JTB: variants seen among roughly 807,000 people sequenced by gnomAD.
JTB encodes the protein jumping translocation breakpoint.
In JTB, 10 loss-of-function variants were observed where a neutral mutation model predicts 22.1. The ratio of observed to expected loss-of-function variants is 0.45; its 90% CI spans 0.28 to 0.77. JTB has a LOEUF of 0.77. Ranked by LOEUF, JTB falls within the 30% of genes least tolerant of loss-of-function variation. JTB has a pLI of 0.13. For synonymous variants in JTB, 83 were observed against 66.8 expected (o/e 1.24, Z -1.18); for missense variants, 137 against 180.3 (o/e 0.76, Z 1.38).
At chr1:153,976,800 C>G in intron 2 of JTB, 25 bp from the exon 3 acceptor site, 1 of 1,611,964 alleles carries the variant, frequency 6.2e-7, no homozygotes, top group Non-Finnish European at 8.5e-7. Context: ...AAATGCCAGC[C>G]CCAGGCCATT....
At chr1:153,976,046 G>A (rs1648784695) in intron 3 of JTB, 141 bp from the exon 4 acceptor site, 1 of 645,494 alleles carries the variant, frequency 1.5e-6, no homozygotes, top group Non-Finnish European at 2.8e-6. Context: ...GAGTTCTGAT[G>A]CGGATGGTGG....
At chr1:153,976,651 T>G in intron 3 of JTB, 42 bp downstream of exon 3, 1 of 1,497,836 alleles carries the variant, frequency 6.7e-7, no homozygotes, top group African/African-American at 1.4e-5. Flanking sequence ...AGTGTTTGCT[T>G]AGATGTTTAA....
Position 153,974,663 on chromosome 1 carries a change from CA to C in JTB, c.*15del. ...GATAGGGTCTCTAAGACCCAGGATA[CA>C]AGGGTGGAATGTAGCTATATGGACT... On this transcript the variant is annotated 3_prime_UTR_variant, in exon 5 of 5. Transcript: ENST00000271843. 1 of 1,600,754 alleles carries C rather than the reference CA, an allele frequency of 6.2e-7. No individual in the cohort carries two copies. Among genetic ancestry groups the C allele is most frequent in the Non-Finnish European group, 8.6e-7 (1 of 1,168,724 alleles).
At chr1:153,976,670 A>AG in intron 3 of JTB, 23 bp downstream of exon 3, 1 of 1,556,148 alleles carries the variant, frequency 6.4e-7, no homozygotes, top group Non-Finnish European at 8.8e-7. Context: ...AAAAAAAAAA[A>AG]GGGTAGAGAA....
At position 153,976,748 on chromosome 1, in the gene JTB, A is replaced by G; in HGVS notation, c.149T>C (p.Leu50Pro). 6.2e-7 allele frequency: 1 copy of G among 1,614,214 alleles called. No homozygotes were observed. The highest frequency in any genetic ancestry group is 8.5e-7 in the Non-Finnish European group (1 of 1,180,044). Residue 50 changes from leucine (L) to proline (P), a missense_variant, in exon 3 of 5, where the codon CTG (leucine) becomes CCG (proline). Coordinates refer to ENST00000271843, the MANE Select transcript of JTB (RefSeq NM_006694.4). ...SASTSNLPCW[L>P]VEEFVVAEEC... Reference sequence around the variant, plus strand: ...TTCTGCTACCACAAACTCTTCCACCAGCCAGCATGGCAAATTTGAGGTGCT... The same window carrying G: ...TTCTGCTACCACAAACTCTTCCACCGGCCAGCATGGCAAATTTGAGGTGCT...
rs961300432 is a variant in JTB at position 153,977,499 on chromosome 1, T to C, written c.-247A>G. On this transcript the variant is annotated 5_prime_UTR_variant, in exon 1 of 5. Transcript: ENST00000271843. ...GCCTTCTGCGGGGTCCGCAGGGCGC[T>C]GGAGGAAGGGCCGGCGGGGGCTCGC... is the stretch of plus-strand genomic sequence containing the variant. 4 of 1,213,800 alleles carry C rather than the reference T, an allele frequency of 3.3e-6. No homozygotes were observed. The highest frequency in any genetic ancestry group is 4.1e-6 in the Non-Finnish European group (4 of 970,582). The allele number at this position is 1,213,800 out of a possible 1,614,324, so 75.2% of individuals were successfully genotyped here. A position where few individuals can be genotyped will look rare whatever the true frequency, so the allele number is the denominator to read the frequency against.
chr1:153,974,703 G>A lies in JTB; in HGVS notation c.417C>T (p.Val139=), dbSNP rs1648718354. The A allele has an allele frequency of 6.2e-7, 1 of 1,613,348 alleles. No homozygotes were observed. The highest frequency in any genetic ancestry group is 8.5e-7 in the Non-Finnish European group (1 of 1,179,338). ...GCTATATGGACTCGATTTGCTTCCG[G>A]ACCTTTTCCAGAGCCTTTCTGTCCA... ...RQLDRKALEK[V]RKQIESI The change falls in exon 5 of 5, where the codon GTC becomes GTT. Residue 139 remains valine (V), a synonymous_variant. Coordinates refer to ENST00000271843, the MANE Select transcript of JTB (RefSeq NM_006694.4).
At chr1:153,977,082 C>T (rs1165882029) in intron 1 of JTB, 69 bp from the exon 2 acceptor site, 1 of 1,613,970 alleles carries the variant, frequency 6.2e-7, no homozygotes, top group African/African-American at 1.3e-5. Flanking sequence ...CCTGCGCTGT[C>T]CATGGATAAG....
chr1:153,976,603 G>A, intron 3 of JTB, 90 bp downstream of exon 3: 1 of 1,049,494 alleles, frequency 9.5e-7, no homozygotes, highest in Non-Finnish European at 1.5e-6. Flanking sequence ...ATGATGCAAA[G>A]GCAGCTTAAT....
Position 153,977,384 on chromosome 1 carries a change from A to G in JTB, c.-132T>C. ...TCCAGGTCAGGGCAGGGAAGGCCGG[A>G]GTTGCCTATTGGAGCAGAGGATCTA... is the stretch of plus-strand genomic sequence containing the variant. On this transcript the variant is annotated 5_prime_UTR_variant, in exon 1 of 5. Coordinates refer to ENST00000271843, the MANE Select transcript of JTB (RefSeq NM_006694.4). 1.4e-6 allele frequency: 2 copies of G among 1,455,372 alleles called. No individual in the cohort carries two copies. Among genetic ancestry groups the G allele is most frequent in the South Asian group, 1.4e-5 (1 of 69,540 alleles). 90.2% of individuals were successfully genotyped at this position (1,455,372 alleles called of 1,614,324 possible). A position where few individuals can be genotyped will look rare whatever the true frequency, so the allele number is the denominator to read the frequency against.
Position 153,974,479 on chromosome 1 carries a change from G to A in JTB, c.*200C>T, listed in dbSNP as rs1411044791. On this transcript the variant is annotated 3_prime_UTR_variant, in exon 5 of 5. Coordinates refer to ENST00000271843, the MANE Select transcript of JTB (RefSeq NM_006694.4). The stretch of plus-strand genomic sequence containing the variant: ...ACCTCCTTTCCCTCTCTGCCCCCAT[G>A]ACTTCCTGCTCCAAGTTACAGAAGG... The A allele has an allele frequency of 2.1e-6, 1 of 468,500 alleles. No homozygotes were observed. The highest frequency in any genetic ancestry group is 3.8e-6 in the Non-Finnish European group (1 of 266,368). 29.0% of individuals were successfully genotyped at this position (468,500 alleles called of 1,614,324 possible).
Position 153,974,605 on chromosome 1 carries a change from T to G in JTB, c.*74A>C. On this transcript the variant is annotated 3_prime_UTR_variant, in exon 5 of 5. Coordinates refer to ENST00000271843, the MANE Select transcript of JTB (RefSeq NM_006694.4). ...CCACAAGGCTCCAAAGAACCAAGAG[T>G]GCAAATCAGTCCATTTCACTTTCAC... 1 of 1,327,426 alleles carries G rather than the reference T, an allele frequency of 7.5e-7. No homozygotes were observed. The highest frequency in any genetic ancestry group is 1.1e-6 in the Non-Finnish European group (1 of 945,984). The allele number at this position is 1,327,426 out of a possible 1,614,324, so 82.2% of individuals were successfully genotyped here.
chr1:153,975,866 T>G lies in JTB; in HGVS notation c.244A>C (p.Lys82Gln). 6.2e-7 allele frequency: 1 copy of G among 1,614,158 alleles called. No individual in the cohort carries two copies. Among genetic ancestry groups the G allele is most frequent in the Non-Finnish European group, 8.5e-7 (1 of 1,179,974 alleles). Residue 82 changes from lysine (K) to glutamine (Q), a missense_variant, in exon 4 of 5, where the codon AAA (lysine) becomes CAA (glutamine). By Grantham distance (53) the Lys-to-Gln change is moderately conservative. Coordinates refer to ENST00000271843, the MANE Select transcript of JTB (RefSeq NM_006694.4). ...PECGPTGYVE[K>Q]ITCSSSKRNE... ...CTCTTAGATGAGCTGCATGTGATTT[T>G]CTCTACATATCCTGTGGGACCACAC...
Position 153,974,285 on chromosome 1 carries a change from T to C in JTB, c.*394A>G. Reference sequence around the variant, plus strand: ...CTCAAATACTTCTGTTATGTATCTGTGATTTTATTTCTTCTTTGGGTATAG... The same window carrying C: ...CTCAAATACTTCTGTTATGTATCTGCGATTTTATTTCTTCTTTGGGTATAG... On this transcript the variant is annotated 3_prime_UTR_variant, in exon 5 of 5. Coordinates refer to ENST00000271843, the MANE Select transcript of JTB (RefSeq NM_006694.4). The C allele has an allele frequency of 2.0e-6, 1 of 505,994 alleles. No individual in the cohort carries two copies. Among genetic ancestry groups the C allele is most frequent in the Non-Finnish European group, 3.5e-6 (1 of 285,672 alleles). 31.3% of individuals were successfully genotyped at this position (505,994 alleles called of 1,614,324 possible).
Position 153,976,717 on chromosome 1 carries a change from G to A in JTB, c.180C>T (p.Cys60=), listed in dbSNP as rs750142015. 6.2e-7 allele frequency: 1 copy of A among 1,613,986 alleles called. No individual in the cohort carries two copies. The highest frequency in any genetic ancestry group is 2.2e-5 in the East Asian group (1 of 44,874). Residue 60 remains cysteine, a synonymous_variant, in exon 3 of 5, where the codon TGC becomes TGT. Coordinates refer to ENST00000271843, the MANE Select transcript of JTB (RefSeq NM_006694.4). The part of the protein sequence containing the change: ...LVEEFVVAEE[C]SPCSNFRAKT... The stretch of plus-strand genomic sequence containing the variant: ...CAGCCCGGAAATTAGAGCATGGAGA[G>A]CACTCTTCTGCTACCACAAACTCTT...
chr1:153,976,798 G>T, intron 2 of JTB, 23 bp from the exon 3 acceptor site: 1 of 1,611,842 alleles, frequency 6.2e-7, no homozygotes, highest in Non-Finnish European at 8.5e-7. Flanking sequence ...ATAAATGCCA[G>T]CCCCAGGCCA....
At chr1:153,976,549 C>G in intron 3 of JTB, 144 bp downstream of exon 3, 1 of 684,328 alleles carries the variant, frequency 1.5e-6, no homozygotes, top group South Asian at 1.8e-5. Context: ...AAGACAAGTA[C>G]AGATTTGGAC....
Position 153,977,627 on chromosome 1 carries a change from G to T in JTB, c.-375C>A. On this transcript the variant is annotated 5_prime_UTR_variant, in exon 1 of 5. Transcript: ENST00000271843. ...CCGAGCTCGGGGCCCGGTGTTCCCGGGGGCGTTCGGTCGTCGCCCGCTGGG... is the reference window on the plus strand; with the variant it reads ...CCGAGCTCGGGGCCCGGTGTTCCCGTGGGCGTTCGGTCGTCGCCCGCTGGG... 9.9e-7 allele frequency: 1 copy of T among 1,013,312 alleles called. No individual in the cohort carries two copies. Among genetic ancestry groups the T allele is most frequent in the African/African-American group, 1.7e-5 (1 of 57,872 alleles). 62.8% of individuals were successfully genotyped at this position (1,013,312 alleles called of 1,614,324 possible).
Position 153,977,488 on chromosome 1 carries a change from C to T in JTB, c.-236G>A. On this transcript the variant is annotated 5_prime_UTR_variant, in exon 1 of 5. Coordinates refer to ENST00000271843, the MANE Select transcript of JTB (RefSeq NM_006694.4). ...GGGAGGCGAGCGCCTTCTGCGGGGT[C>T]CGCAGGGCGCTGGAGGAAGGGCCGG... 1 of 1,253,832 alleles carries T rather than the reference C, an allele frequency of 8.0e-7. No homozygotes were observed. Among genetic ancestry groups the T allele is most frequent in the Non-Finnish European group, 1.0e-6 (1 of 994,530 alleles). 77.7% of individuals were successfully genotyped at this position (1,253,832 alleles called of 1,614,324 possible). A position where few individuals can be genotyped will look rare whatever the true frequency, so the allele number is the denominator to read the frequency against.
Sources: gnomAD v4.1 joint callset for allele counts on GRCh38, gnomAD v4.1.1 for gene constraint, MANE v1.5 for transcripts, NCBI Gene and HGNC (gene_info 2026-07-23, HGNC 2026-07-21) for gene names.